The following DLGAP1 variants were observed in gnomAD, a reference collection of about 807,000 sequenced individuals.
DLGAP1 encodes the protein DLG associated protein 1.
A neutral mutation model predicts 90.8 loss-of-function variants in DLGAP1; 11 were observed. That is an observed-to-expected ratio of 0.12 (90% CI 0.08 to 0.20). The LOEUF is 0.20. DLGAP1 is among the 10% of genes least tolerant of loss of function. The probability of loss-of-function intolerance (pLI) is 1.00; values close to 1 mark genes in which losing one functional copy is unlikely to be tolerated. For synonymous variants in DLGAP1, 558 were observed against 540.7 expected (o/e 1.03, Z -0.44); for missense variants, 1,050 against 1,333.8 (o/e 0.79, Z 3.31).
intron 2 of DLGAP1, among the ~76,000 whole-genome samples, chr18:4,026,289 G>A (rs1358890140): frequency 1.3e-5 from 2 of 152,200 alleles, no homozygotes; most frequent in Non-Finnish European, 2.9e-5. Context: ...GGGTCATACA[G>A]ATGTCTAGGT....
chr18:3,918,520 A>G (rs117224379), intron 3 of DLGAP1, among the ~76,000 whole-genome samples: 2,069 of 152,316 alleles, frequency 0.014, 28 homozygotes, highest in South Asian at 0.031. Context: ...AAGGGGGAAA[A>G]AAATGCCATT....
chr18:4,081,879 C>T lies in DLGAP1; in HGVS notation c.-159+69301G>A, dbSNP rs141972028. 6.3e-3 allele frequency among the ~76,000 whole-genome samples: 952 copies of T among 152,270 alleles called. 6 individuals are homozygous for T. The highest frequency in any genetic ancestry group is 0.022 in the African/African-American group (903 of 41,550). On this transcript the variant is annotated intron_variant, in intron 2 of 12. Transcript: ENST00000315677. ...AAATCATTTACTATGCTCCTAAAATCATTCACACTTTCCCATTTCCCTTTT... is the reference window on the plus strand; with the variant it reads ...AAATCATTTACTATGCTCCTAAAATTATTCACACTTTCCCATTTCCCTTTT...
At chr18:4,196,935 G>A (rs1228328574) in intron 1 of DLGAP1, among the ~76,000 whole-genome samples, 1 of 152,076 alleles carries the variant, frequency 6.6e-6, no homozygotes, top group African/African-American at 2.4e-5. Context: ...CACTTTGGGA[G>A]GCCGAGGTGG....
chr18:4,171,488 T>TC lies in DLGAP1; in HGVS notation c.-266-20202dup, dbSNP rs1407636432. ...GCTGAGGCAGGAGAATGGCGTGAACTCGGAAGGCGAAGCTTGCAGTGAGCC... is the reference window on the plus strand; with the variant it reads ...GCTGAGGCAGGAGAATGGCGTGAACTCCGGAAGGCGAAGCTTGCAGTGAGCC... On this transcript the variant is annotated intron_variant, in intron 1 of 12. Transcript: ENST00000315677. Among the ~76,000 whole-genome samples, 5 of 149,210 alleles carry TC rather than the reference T, an allele frequency of 3.4e-5. No individual in the cohort carries two copies. In the East Asian group the frequency reaches 9.9e-4, roughly 30 times the overall value.
chr18:3,676,096 G>A (rs1310683997), intron 7 of DLGAP1, among the ~76,000 whole-genome samples: 3 of 152,172 alleles, frequency 2.0e-5, no homozygotes, highest in Admixed American at 6.5e-5. Context: ...GTAAGATCAA[G>A]CTGCAGACAT....
chr18:3,885,046 G>C (rs2071273155), intron 3 of DLGAP1, among the ~76,000 whole-genome samples: 1 of 152,164 alleles, frequency 6.6e-6, no homozygotes. Context: ...AACACATTCT[G>C]TGACTTCTTG....
At chr18:3,958,725 G>A (rs1490316286) in intron 3 of DLGAP1, among the ~76,000 whole-genome samples, 1 of 151,780 alleles carries the variant, frequency 6.6e-6, no homozygotes, top group African/African-American at 2.4e-5. Context: ...TACCTGGACT[G>A]CCTCCAGGCA....
chr18:3,887,461 G>T (rs1403423283), intron 3 of DLGAP1, among the ~76,000 whole-genome samples: 2 of 152,148 alleles, frequency 1.3e-5, no homozygotes, highest in Admixed American at 6.5e-5. Context: ...GGGGCAAAAA[G>T]ATCTCAAAGA....
intron 1 of DLGAP1, among the ~76,000 whole-genome samples, chr18:4,326,893 A>G (rs976106526): frequency 6.6e-6 from 1 of 152,058 alleles, no homozygotes; most frequent in African/African-American, 2.4e-5. Context: ...AAAAACACCT[A>G]TTGAGTACTA....
chr18:3,938,766 T>C lies in DLGAP1; in HGVS notation c.-72-58626A>G, dbSNP rs113385387. Among the ~76,000 whole-genome samples, 300 of 152,156 alleles carry C rather than the reference T, an allele frequency of 2.0e-3. 3 individuals carry two copies. The highest frequency in any genetic ancestry group is 6.8e-3 in the African/African-American group (281 of 41,528). On this transcript the variant is annotated intron_variant, in intron 3 of 12. Coordinates refer to ENST00000315677, the MANE Select transcript of DLGAP1 (RefSeq NM_004746.4). ...CAGACCACGTGGGGCCCATGGGCCA[T>C]GGTGGGGACTTCAGAGATGCTCTAA...
At chr18:4,366,994 C>G in intron 1 of DLGAP1, among the ~76,000 whole-genome samples, 1 of 89,412 alleles carries the variant, frequency 1.1e-5, no homozygotes, top group Non-Finnish European at 2.1e-5. Flanking sequence ...GTATACGGCT[C>G]TGTCAATGGC....
intron 2 of DLGAP1, among the ~76,000 whole-genome samples, chr18:4,014,584 T>G (rs2074488252): frequency 1.3e-5 from 2 of 152,178 alleles, no homozygotes; most frequent in South Asian, 4.1e-4. Flanking sequence ...AAGATAAATG[T>G]TTGGGGTGAT....
chr18:4,322,371 G>A (rs1016202686), intron 1 of DLGAP1, among the ~76,000 whole-genome samples: 3 of 152,092 alleles, frequency 2.0e-5, no homozygotes, highest in African/African-American at 7.2e-5. Context: ...CAACAAAGGT[G>A]CCAAGAATAC....
At chr18:3,631,990 G>A (rs537296336) in intron 7 of DLGAP1, among the ~76,000 whole-genome samples, 77 of 152,134 alleles carry the variant, frequency 5.1e-4, no homozygotes, top group African/African-American at 1.8e-3. Flanking sequence ...TGCCCAAGCT[G>A]GCCTCCAACT....
chr18:4,028,213 T>C (rs1229760302), intron 2 of DLGAP1, among the ~76,000 whole-genome samples: 1 of 152,256 alleles, frequency 6.6e-6, no homozygotes, highest in Non-Finnish European at 1.5e-5. Flanking sequence ...ACCCAAAATA[T>C]GTAAATATAT....
intron 1 of DLGAP1, among the ~76,000 whole-genome samples, chr18:4,241,007 C>G (rs564711494): frequency 6.6e-6 from 1 of 152,216 alleles, no homozygotes; most frequent in Non-Finnish European, 1.5e-5. Context: ...AATCGACGTA[C>G]TGAGAACTAA....
chr18:3,962,742 C>T (rs536393796), intron 3 of DLGAP1, among the ~76,000 whole-genome samples: 82 of 152,216 alleles, frequency 5.4e-4, no homozygotes, highest in African/African-American at 1.7e-3. Flanking sequence ...ATGCATTTTG[C>T]TTTGGACTGA....
chr18:3,959,733 A>G (rs921292318), intron 3 of DLGAP1, among the ~76,000 whole-genome samples: 5 of 152,110 alleles, frequency 3.3e-5, no homozygotes, highest in African/African-American at 7.2e-5. Flanking sequence ...CAAATTTTCC[A>G]GTAGTTACAC....
intron 3 of DLGAP1, among the ~76,000 whole-genome samples, chr18:3,903,700 A>T (rs1276584718): frequency 6.6e-6 from 1 of 152,202 alleles, no homozygotes; most frequent in Non-Finnish European, 1.5e-5. Context: ...GAAATCTAAG[A>T]TGTCTGTGAG....
Sources: gnomAD v4.1 joint callset for allele counts (sites outside exome capture counted in the v4.1 genomes callset) on GRCh38, gnomAD v4.1.1 for gene constraint, MANE v1.5 for transcripts, NCBI Gene and HGNC (gene_info 2026-07-23, HGNC 2026-07-21) for gene names.